The following ANTXR1 variants were observed in gnomAD, a reference collection of about 807,000 sequenced individuals.
ANTXR1 encodes ANTXR cell adhesion molecule 1, also known as anthrax toxin receptor 1.
In ANTXR1, 19 loss-of-function variants were observed where a neutral mutation model predicts 78.1. The observed-to-expected ratio is 0.24, with a 90% CI of 0.17 to 0.36. The LOEUF (loss-of-function observed/expected upper bound fraction) is 0.36. Among genes scored for constraint, ANTXR1 ranks in the 10% least tolerant of loss-of-function variants. The probability of loss-of-function intolerance (pLI) is 1.00; values close to 1 mark genes in which losing one functional copy is unlikely to be tolerated. For synonymous variants in ANTXR1, 273 were observed against 260.5 expected (o/e 1.05, Z -0.46); for missense variants, 518 against 718.6 (o/e 0.72, Z 3.19).
At chr2:69,129,854 G>A (rs1672676290) in intron 12 of ANTXR1, among the ~76,000 whole-genome samples, 1 of 152,134 alleles carries the variant, frequency 6.6e-6, no homozygotes, top group Admixed American at 6.5e-5. Context: ...GTGAAGGCAA[G>A]AAGAGTCAGG....
In ANTXR1 at chr2:69,075,648, A is replaced by G. The variant is rs1670706530; in HGVS notation, c.551A>G (p.Asn184Ser). The G allele has an allele frequency of 6.2e-7, 1 of 1,614,094 alleles. No individual in the cohort carries two copies. The highest frequency in any genetic ancestry group is 8.5e-7 in the Non-Finnish European group (1 of 1,179,952). The change falls in exon 7 of 18, where the codon AAT (asparagine) becomes AGT (serine). Residue 184 changes from asparagine (N) to serine (S), a missense_variant. By Grantham distance (46) the Asn-to-Ser change is conservative. Coordinates refer to ENST00000303714, the MANE Select transcript of ANTXR1 (RefSeq NM_032208.3). ...IVYCVGVKDF[N>S]ETQLARIADS... is the part of the protein sequence containing the mutation. ...TACTGTGTTGGTGTGAAAGATTTCAATGAGACACAGGTATGGTAATGGATT... is the reference window on the plus strand; with the variant it reads ...TACTGTGTTGGTGTGAAAGATTTCAGTGAGACACAGGTATGGTAATGGATT...
chr2:69,169,562 T>A (rs74936289), intron 13 of ANTXR1, among the ~76,000 whole-genome samples: 1,724 of 152,344 alleles, frequency 0.011, 12 homozygotes, highest in Non-Finnish European at 0.019. Context: ...TTAGACTGTC[T>A]CCCAATTACT....
At chr2:69,226,369 A>G (rs1390023761) in intron 17 of ANTXR1, among the ~76,000 whole-genome samples, 2 of 152,094 alleles carry the variant, frequency 1.3e-5, no homozygotes, top group Non-Finnish European at 2.9e-5. Flanking sequence ...TCCCCTGTGG[A>G]ATGGGACCTA....
intron 14 of ANTXR1, among the ~76,000 whole-genome samples, chr2:69,171,468 C>CAGCT (rs1210740423): frequency 6.6e-6 from 1 of 152,252 alleles, no homozygotes; most frequent in Middle Eastern, 3.2e-3. Context: ...CTGTTATGTG[C>CAGCT]AGCTATCTCT....
intron 3 of ANTXR1, among the ~76,000 whole-genome samples, chr2:69,046,719 C>A (rs1157638211): frequency 6.6e-6 from 1 of 152,200 alleles, no homozygotes; most frequent in Non-Finnish European, 1.5e-5. Flanking sequence ...AAGAATCAGG[C>A]TTTCAGATCT....
intron 11 of ANTXR1, 149 bp downstream of exon 11, chr2:69,123,235 G>A (rs1443470727): frequency 8.6e-6 from 7 of 817,994 alleles, no homozygotes; most frequent in Non-Finnish European, 1.2e-5. Context: ...CAGTGACCCA[G>A]ACGCCAGGAT....
In ANTXR1 at chr2:69,110,837, G is replaced by A. The variant is rs564409851; in HGVS notation, c.802+7897G>A. Among the ~76,000 whole-genome samples the A allele has an allele frequency of 9.2e-5, 14 of 152,250 alleles. No homozygotes were observed. In the East Asian group the frequency reaches 1.4e-3, roughly 15 times the overall value. ...AGATTGGGCCACTGCATTCCAGCCC[G>A]GGCGACAGAGCAAGACTCCGTCTCA... On this transcript the variant is annotated intron_variant, in intron 10 of 17. Transcript: ENST00000303714.
intron 2 of ANTXR1, among the ~76,000 whole-genome samples, chr2:69,043,015 G>A (rs773887691): frequency 1.5e-4 from 23 of 152,130 alleles, no homozygotes; most frequent in East Asian, 7.7e-4. Flanking sequence ...ACATCAGTAC[G>A]CTGAGGACTT....
chr2:69,034,746 C>T (rs1453395600), intron 1 of ANTXR1, among the ~76,000 whole-genome samples: 1 of 152,150 alleles, frequency 6.6e-6, no homozygotes, highest in Admixed American at 6.5e-5. Context: ...GTTTTAATTT[C>T]CACCTGCAGC....
chr2:69,173,217 A>T (rs1220919235), intron 14 of ANTXR1, among the ~76,000 whole-genome samples: 5 of 152,104 alleles, frequency 3.3e-5, no homozygotes, highest in African/African-American at 1.2e-4. Context: ...CTGGGAATTT[A>T]TTCCCTTCTG....
intron 1 of ANTXR1, among the ~76,000 whole-genome samples, chr2:69,031,877 A>C (rs559873624): frequency 6.6e-6 from 1 of 152,282 alleles, no homozygotes; most frequent in African/African-American, 2.4e-5. Flanking sequence ...CTGCTGGAAA[A>C]ACAGAATCCC....
At chr2:69,195,591 T>A (rs1055981433) in intron 17 of ANTXR1, among the ~76,000 whole-genome samples, 1 of 152,164 alleles carries the variant, frequency 6.6e-6, no homozygotes, top group Non-Finnish European at 1.5e-5. Flanking sequence ...TCTGTGACAG[T>A]CAACAAGACC....
intron 10 of ANTXR1, among the ~76,000 whole-genome samples, chr2:69,108,618 T>C (rs1037328176): frequency 1.1e-4 from 16 of 152,110 alleles, no homozygotes; most frequent in African/African-American, 2.2e-4. Flanking sequence ...CTCTCTCCTC[T>C]CACCCTCCAC....
At chr2:69,199,288 A>T (rs1459889047) in intron 17 of ANTXR1, among the ~76,000 whole-genome samples, 2 of 152,194 alleles carry the variant, frequency 1.3e-5, no homozygotes, top group Admixed American at 1.3e-4. Flanking sequence ...TGTGATGCTG[A>T]TGCTGCTGGT....
chr2:69,094,372 G>A (rs571550336), intron 9 of ANTXR1, among the ~76,000 whole-genome samples: 1 of 152,272 alleles, frequency 6.6e-6, no homozygotes, highest in East Asian at 1.9e-4. Flanking sequence ...AGAAAATTGG[G>A]GAAGAGTATC....
intron 13 of ANTXR1, among the ~76,000 whole-genome samples, chr2:69,156,148 ACTTACCT>A (rs1673519311): frequency 6.6e-6 from 1 of 152,090 alleles, no homozygotes; most frequent in Non-Finnish European, 1.5e-5. Context: ...CAAACTGCTA[ACTTACCT>A]CTATGGATAA....
intron 1 of ANTXR1, among the ~76,000 whole-genome samples, chr2:69,017,967 C>T (rs1290840274): frequency 1.3e-5 from 2 of 152,140 alleles, no homozygotes; most frequent in Admixed American, 6.5e-5. Flanking sequence ...TTACATGGAG[C>T]TATTAGTCAC....
intron 12 of ANTXR1, among the ~76,000 whole-genome samples, chr2:69,137,173 G>A (rs1011395298): frequency 2.0e-5 from 3 of 152,218 alleles, no homozygotes; most frequent in African/African-American, 7.2e-5. Context: ...AGCAGTCTTT[G>A]ATCACTATGT....
intron 13 of ANTXR1, among the ~76,000 whole-genome samples, chr2:69,159,185 TTAAA>T (rs754069214): frequency 1.3e-5 from 2 of 152,214 alleles, no homozygotes; most frequent in Non-Finnish European, 2.9e-5. Flanking sequence ...AATCAGTTTC[TTAAA>T]TAAAATCCTA....
Sources: allele counts gnomAD v4.1 joint callset (sites outside exome capture counted in the v4.1 genomes callset), GRCh38; gene constraint gnomAD v4.1.1; transcripts MANE v1.5; gene names NCBI Gene and HGNC (gene_info 2026-07-23, HGNC 2026-07-21).